Variants in FAT1 observed in about 807,000 individuals in gnomAD.
FAT1 encodes the protein protocadherin Fat 1.
In FAT1, 171 loss-of-function variants were observed where a neutral mutation model predicts 329.8. The observed-to-expected ratio is 0.52, with a 90% CI of 0.46 to 0.59. The LOEUF (loss-of-function observed/expected upper bound fraction) is 0.59. FAT1 is among the 20% of genes least tolerant of loss of function. FAT1 has a pLI of 0.00. For missense variants in FAT1, 5,672 were observed against 5,774.4 expected, an observed-to-expected ratio of 0.98 and a Z score of 0.57; for synonymous variants, 2,233 against 2,228.6, an observed-to-expected ratio of 1.00 and a Z score of -0.06.
chr4:186,601,285 T>A lies in FAT1; in HGVS notation c.11624A>T (p.Asp3875Val), dbSNP rs1223053724. The A allele has an allele frequency of 1.9e-6, 3 of 1,599,810 alleles. No homozygotes were observed. Among genetic ancestry groups the A allele is most frequent in the Non-Finnish European group, 2.6e-6 (3 of 1,168,774 alleles). The change falls in exon 21 of 27, where the codon GAC becomes GTC. Residue 3875 changes from aspartate (D) to valine (V), a missense_variant. By Grantham distance (152) the Asp-to-Val change is radical (BLOSUM62 -3). This residue lies in a region of FAT1 where 1,706 missense variants were observed against 1,859.1 expected (regional missense o/e 0.92). Transcript: ENST00000441802. ...HAVVMYARGTDYSILEIHHGR... is the reference protein window; with the variant it reads ...HAVVMYARGTVYSILEIHHGR... Reference sequence around the variant, plus strand: ...GAAACATACCTCCAAGATGCTATAGTCAGTTCCTCGAGCATACATGACAAC... The same window carrying A: ...GAAACATACCTCCAAGATGCTATAGACAGTTCCTCGAGCATACATGACAAC...
intron 2 of FAT1, among the ~76,000 whole-genome samples, chr4:186,672,273 GA>G (rs1469909180): frequency 6.6e-6 from 1 of 152,114 alleles, no homozygotes; most frequent in African/African-American, 2.4e-5. Flanking sequence ...GATAATAAAA[GA>G]AAGTCAAAAT....
chr4:186,701,045 C>T (rs750385418), intron 2 of FAT1, among the ~76,000 whole-genome samples: 7 of 152,200 alleles, frequency 4.6e-5, no homozygotes, highest in Admixed American at 6.5e-5. Context: ...CCCTGAGTCA[C>T]GGTCCCCCGA....
At position 186,603,296 on chromosome 4, in the gene FAT1, G is replaced by A. The variant is rs2126425870; in HGVS notation, c.11230C>T (p.Pro3744Ser). The A allele has an allele frequency of 6.2e-7, 1 of 1,613,926 alleles. No individual in the cohort carries two copies. The highest frequency in any genetic ancestry group is 8.5e-7 in the Non-Finnish European group (1 of 1,179,864). ...ACCTTTTCATCGCAGAACTTCCAGGGGCAGTCCAGTCCCGCGCAGAGTTTC... is the reference window on the plus strand; with the variant it reads ...ACCTTTTCATCGCAGAACTTCCAGGAGCAGTCCAGTCCCGCGCAGAGTTTC... The part of the protein sequence containing the change: ...FQKLCAGLDC[P>S]WKFCDEKVSV... The change falls in exon 19 of 27, where the codon CCC becomes TCC. Residue 3744 changes from proline to serine, a missense_variant. Physicochemically the swap from Pro to Ser is moderately conservative, Grantham distance 74. This residue lies in a region of FAT1 where 1,706 missense variants were observed against 1,859.1 expected (regional missense o/e 0.92). Coordinates refer to ENST00000441802, the MANE Select transcript of FAT1 (RefSeq NM_005245.4).
At chr4:186,683,884 A>G (rs903296775) in intron 2 of FAT1, among the ~76,000 whole-genome samples, 1 of 151,610 alleles carries the variant, frequency 6.6e-6, no homozygotes, top group Non-Finnish European at 1.5e-5. Context: ...TTCCAAAAAG[A>G]TTCAGAGGGA....
At chr4:186,629,127 A>G (rs1740464744) in intron 7 of FAT1, among the ~76,000 whole-genome samples, 1 of 152,210 alleles carries the variant, frequency 6.6e-6, no homozygotes, top group African/African-American at 2.4e-5. Flanking sequence ...GATTTATAGA[A>G]GACTAATTTC....
intron 3 of FAT1, among the ~76,000 whole-genome samples, chr4:186,659,236 G>C (rs1014567307): frequency 1.3e-5 from 2 of 152,176 alleles, no homozygotes; most frequent in African/African-American, 4.8e-5. Flanking sequence ...GTTTGGGTAA[G>C]TACACTCTAC....
intron 11 of FAT1, among the ~76,000 whole-genome samples, chr4:186,615,976 T>C (rs1446897162): frequency 1.3e-5 from 2 of 152,090 alleles, no homozygotes; most frequent in African/African-American, 4.8e-5. Context: ...AGCCCCCGGC[T>C]CAGACTCCTC....
Position 186,591,924 on chromosome 4 carries a change from T to A in FAT1, c.13139-2704A>T, listed in dbSNP as rs117716531. Among the ~76,000 whole-genome samples, 51 of 152,140 alleles carry A rather than the reference T, an allele frequency of 3.4e-4. No individual in the cohort carries two copies. The East Asian group carries it at 8.1e-3, about 24-fold the overall frequency. ...ATGGCCTCTGTAAGCAGTTCTCGAG[T>A]GGGATCTCTAGACCGGCACCATCAG... On this transcript the variant is annotated intron_variant, in intron 26 of 26. Transcript: ENST00000441802.
intron 9 of FAT1, among the ~76,000 whole-genome samples, chr4:186,622,325 T>A (rs945526598): frequency 7.9e-5 from 12 of 152,254 alleles, no homozygotes; most frequent in Admixed American, 7.9e-4. Context: ...TCCCTTCTTA[T>A]CTTTTTCAGG....
intron 21 of FAT1, among the ~76,000 whole-genome samples, chr4:186,601,004 A>G (rs528762940): frequency 6.6e-6 from 1 of 152,274 alleles, no homozygotes; most frequent in African/African-American, 2.4e-5. Context: ...GAGCCACCAC[A>G]CCCAGCCAAC....
chr4:186,678,018 T>C (rs1478351909), intron 2 of FAT1, among the ~76,000 whole-genome samples: 2 of 152,226 alleles, frequency 1.3e-5, no homozygotes, highest in African/African-American at 2.4e-5. Flanking sequence ...GAGAGCAAAG[T>C]TGTTCATTAA....
At chr4:186,670,296 A>G (rs1335864991) in intron 2 of FAT1, among the ~76,000 whole-genome samples, 3 of 152,222 alleles carry the variant, frequency 2.0e-5, no homozygotes, top group Non-Finnish European at 4.4e-5. Context: ...ACAACTGCTT[A>G]AGGCAGCAAT....
At chr4:186,648,801 C>T (rs1187388668) in intron 3 of FAT1, among the ~76,000 whole-genome samples, 1 of 152,182 alleles carries the variant, frequency 6.6e-6, no homozygotes. Flanking sequence ...CCAAATCACA[C>T]TCTCCACTCA....
At chr4:186,601,010 C>T (rs1024124491) in intron 21 of FAT1, among the ~76,000 whole-genome samples, 1 of 152,218 alleles carries the variant, frequency 6.6e-6, no homozygotes, top group African/African-American at 2.4e-5. Flanking sequence ...CCACACCCAG[C>T]CAACATTATT....
intron 1 of FAT1, among the ~76,000 whole-genome samples, chr4:186,715,465 C>G (rs780672373): frequency 6.6e-6 from 1 of 152,178 alleles, no homozygotes; most frequent in Admixed American, 6.6e-5. Context: ...AAAAAATACA[C>G]TTTTTGGAAG....
rs748652484 is a variant in FAT1, at chr4:186,617,114, CT to C, written c.8965del (p.Arg2989GlyfsTer20). 1.9e-6 allele frequency: 3 copies of C among 1,613,872 alleles called. No individual in the cohort carries two copies. The Admixed American group carries it at 5.0e-5, about 27-fold the overall frequency. The part of the protein sequence containing the change: ...YVKKPLDREK[R>X]DNYLLTITAT... ...CGTGATAGTAAGAAGGTAATTGTCC[CT>C]TTTTTCCCTGTCTAGAGGTTTCTTC... is the stretch of plus-strand genomic sequence containing the variant. On this transcript the variant is annotated frameshift_variant, in exon 11 of 27. Transcript: ENST00000441802. LOFTEE classifies it high-confidence loss of function.
rs1020708194 is a variant in FAT1 at position 186,681,343 on chromosome 4, A to G, written c.3266-17730T>C. Among the ~76,000 whole-genome samples the G allele has an allele frequency of 8.5e-5, 13 of 152,336 alleles. No individual in the cohort carries two copies. The East Asian group carries it at 2.5e-3, about 29-fold the overall frequency. On this transcript the variant is annotated intron_variant, in intron 2 of 26. Coordinates refer to ENST00000441802, the MANE Select transcript of FAT1 (RefSeq NM_005245.4). ...TAAAGGTATTTAATCTATTGAATCT[A>G]TTTTGATGTTTGAGAAACTAAAGCA...
At position 186,708,597 on chromosome 4, in the gene FAT1, A is replaced by G. The variant is rs768652976; in HGVS notation, c.1231T>C (p.Phe411Leu). The change falls in exon 2 of 27, where the codon TTC (phenylalanine) becomes CTC (leucine). Residue 411 changes from phenylalanine (F) to leucine (L), a missense_variant. Transcript: ENST00000441802. ...VFKSTPGKAK[F>L]SLNYNTGLIS... ...AGACCAGTGTTGTAATTTAAACTGAATTTAGCTTTTCCAGGTGTACTTTTA... is the reference window on the plus strand; with the variant it reads ...AGACCAGTGTTGTAATTTAAACTGAGTTTAGCTTTTCCAGGTGTACTTTTA... The G allele has an allele frequency of 1.9e-6, 3 of 1,613,890 alleles. No individual in the cohort carries two copies. The East Asian group carries it at 6.7e-5, about 36-fold the overall frequency.
At chr4:186,605,520 G>GGGAGT (rs1297749592) in intron 17 of FAT1, among the ~76,000 whole-genome samples, 1 of 128,090 alleles carries the variant, frequency 7.8e-6, no homozygotes, top group Admixed American at 7.8e-5. Flanking sequence ...GAGTGGGGAG[G>GGGAGT]GGAGTGGGGA....
Sources: gnomAD v4.1 joint callset for allele counts (sites outside exome capture counted in the v4.1 genomes callset) on GRCh38, gnomAD v4.1.1 for gene constraint, gnomAD v4.1.1 regional missense constraint, MANE v1.5 for transcripts, NCBI Gene and HGNC (gene_info 2026-07-23, HGNC 2026-07-21) for gene names.